The following FBXO15 variants were observed in gnomAD, a reference collection of about 807,000 sequenced individuals.
The protein encoded by FBXO15 is F-box only protein 15.
FBXO15 carries 30 observed loss-of-function variants against 49.5 expected under a neutral mutation model. The observed-to-expected ratio is 0.61, with a 90% CI of 0.45 to 0.82. The LOEUF (loss-of-function observed/expected upper bound fraction) is 0.82. Ranked by LOEUF, FBXO15 falls within the 40% of genes least tolerant of loss-of-function variation. The pLI is 0.00. For missense variants in FBXO15, 591 were observed against 631.5 expected (o/e 0.94, Z 0.69); for synonymous variants, 250 against 232.7 (o/e 1.07, Z -0.68).
At chr18:74,109,921 A>ATACC (rs1196605534) in intron 8 of FBXO15, among the ~76,000 whole-genome samples, 2 of 152,126 alleles carry the variant, frequency 1.3e-5, no homozygotes, top group African/African-American at 4.8e-5. Flanking sequence ...TGGCACATGT[A>ATACC]TACCTATGTA....
At chr18:74,105,373 T>C (rs556443572) in intron 8 of FBXO15, among the ~76,000 whole-genome samples, 2 of 152,314 alleles carry the variant, frequency 1.3e-5, no homozygotes, top group South Asian at 2.1e-4. Context: ...AAAAGTTATA[T>C]AAATGTATTA....
At chr18:74,091,370 A>T (rs1005848559) in intron 8 of FBXO15, among the ~76,000 whole-genome samples, 6 of 152,100 alleles carry the variant, frequency 3.9e-5, no homozygotes, top group African/African-American at 1.4e-4. Context: ...GTGCCTTTTA[A>T]TTGGGCTATT....
chr18:74,140,191 C>A lies in FBXO15; in HGVS notation c.227+11G>T. On this transcript the variant is annotated intron_variant, in intron 2 of 9. Coordinates refer to ENST00000419743, the MANE Select transcript of FBXO15 (RefSeq NM_001142958.2). Reference sequence around the variant, plus strand: ...GGCCCCCAAAAGTGACAGTCTACTTCTGCTACTTACCCATCCAGGAACCCA... The same window carrying A: ...GGCCCCCAAAAGTGACAGTCTACTTATGCTACTTACCCATCCAGGAACCCA... 1 of 1,549,442 alleles carries A rather than the reference C, an allele frequency of 6.5e-7. No homozygotes were observed. The highest frequency in any genetic ancestry group is 8.7e-7 in the Non-Finnish European group (1 of 1,146,050).
rs1378521075 is a variant in FBXO15 at position 74,130,561 on chromosome 18, G to C, written c.430C>G (p.Leu144Val). The C allele has an allele frequency of 6.2e-7, 1 of 1,614,160 alleles. No homozygotes were observed. The highest frequency in any genetic ancestry group is 8.5e-7 in the Non-Finnish European group (1 of 1,180,018). Residue 144 changes from leucine to valine, a missense_variant, in exon 4 of 10, where the codon CTG becomes GTG. By Grantham distance (32) the Leu-to-Val change is conservative. Transcript: ENST00000419743. ...VEKIAMSMSF[L>V]SVQDKEAGYW... ...CCAGCTTCTTTATCCTGAACTGACA[G>C]AAAGCTCATAGACATAGCTATCTTC... is the stretch of plus-strand genomic sequence containing the variant.
chr18:74,118,019 T>G (rs1914307223), intron 8 of FBXO15, among the ~76,000 whole-genome samples: 1 of 151,806 alleles, frequency 6.6e-6, no homozygotes, highest in East Asian at 1.9e-4. Flanking sequence ...CTTTTTTTTT[T>G]TTTTTGAGAC....
intron 8 of FBXO15, among the ~76,000 whole-genome samples, chr18:74,110,712 G>GA (rs145031858): frequency 6.6e-6 from 1 of 151,138 alleles, no homozygotes; most frequent in African/African-American, 2.4e-5. Context: ...TAAGTGGAAG[G>GA]AAAAAAAATA....
intron 8 of FBXO15, among the ~76,000 whole-genome samples, chr18:74,117,196 C>T (rs1354699522): frequency 1.3e-5 from 2 of 152,138 alleles, no homozygotes; most frequent in African/African-American, 4.8e-5. Flanking sequence ...AGTAGTGCAA[C>T]CATGGGAAGT....
chr18:74,115,539 T>C (rs1173052791), intron 8 of FBXO15, among the ~76,000 whole-genome samples: 1 of 152,218 alleles, frequency 6.6e-6, no homozygotes, highest in Non-Finnish European at 1.5e-5. Context: ...TCACTCTGAA[T>C]ACTTCACTGG....
Position 74,091,601 on chromosome 18 carries a change from C to T in FBXO15, c.1139-9550G>A, listed in dbSNP as rs147978224. Among the ~76,000 whole-genome samples, 1,249 of 152,272 alleles carry T rather than the reference C, an allele frequency of 8.2e-3. 10 individuals are homozygous for T. The highest frequency in any genetic ancestry group is 0.013 in the Admixed American group (195 of 15,296). ...GTCTGATGGTATCAAAATCTCTTAG[C>T]ATTTGCTTGTCTGAAAAGGATCTTA... is the stretch of plus-strand genomic sequence containing the variant. On this transcript the variant is annotated intron_variant, in intron 8 of 9. Transcript: ENST00000419743.
At chr18:74,076,503 T>C (rs1032350066) in intron 9 of FBXO15, 1 of 152,518 alleles carries the variant, frequency 6.6e-6, no homozygotes, top group Non-Finnish European at 1.5e-5. Flanking sequence ...TGCTGGTGCT[T>C]TGACCTTGGT....
rs192596860 is a variant in FBXO15, at chr18:74,100,469, A to G, written c.1139-18418T>C. On this transcript the variant is annotated intron_variant, in intron 8 of 9. Transcript: ENST00000419743. ...ATCCCTACATCAAAAAGTCTGGAAA[A>G]GCACAAATAGACAATCTAAGGTCAT... Among the ~76,000 whole-genome samples, 392 of 152,270 alleles carry G rather than the reference A, an allele frequency of 2.6e-3. 5 individuals carry two copies. The highest frequency in any genetic ancestry group is 3.8e-3 in the Non-Finnish European group (261 of 68,000).
chr18:74,093,106 C>T (rs1778024478), intron 8 of FBXO15, among the ~76,000 whole-genome samples: 1 of 152,132 alleles, frequency 6.6e-6, no homozygotes, highest in South Asian at 2.1e-4. Flanking sequence ...GTTGTCCATG[C>T]ACATGTTTGT....
At chr18:74,099,075 AG>A (rs1913403429) in intron 8 of FBXO15, 1 of 152,244 alleles carries the variant, frequency 6.6e-6, no homozygotes. Flanking sequence ...CACTGAGCCA[AG>A]ATTACGCCAC....
At chr18:74,121,592 A>C (rs1001514586) in intron 8 of FBXO15, among the ~76,000 whole-genome samples, 5 of 152,240 alleles carry the variant, frequency 3.3e-5, no homozygotes, top group African/African-American at 1.2e-4. Context: ...AAAACCTAGC[A>C]ATCTTCCTGA....
chr18:74,117,890 C>G (rs1914299661), intron 8 of FBXO15, among the ~76,000 whole-genome samples: 1 of 152,148 alleles, frequency 6.6e-6, no homozygotes, highest in Non-Finnish European at 1.5e-5. Flanking sequence ...CTCTGAAGTT[C>G]TAGACAGTCC....
intron 8 of FBXO15, among the ~76,000 whole-genome samples, chr18:74,113,847 T>C (rs2145170611): frequency 6.6e-6 from 1 of 152,380 alleles, no homozygotes; most frequent in South Asian, 2.1e-4. Context: ...TGGCAAGCTC[T>C]ATTTACACTT....
At chr18:74,132,796 T>A (rs1469595532) in intron 3 of FBXO15, among the ~76,000 whole-genome samples, 1 of 152,184 alleles carries the variant, frequency 6.6e-6, no homozygotes, top group Non-Finnish European at 1.5e-5. Context: ...AATGTTCAGA[T>A]AAATAGTGTT....
chr18:74,101,563 C>T (rs1292733287), intron 8 of FBXO15, among the ~76,000 whole-genome samples: 3 of 152,050 alleles, frequency 2.0e-5, no homozygotes, highest in Non-Finnish European at 4.4e-5. Flanking sequence ...AAATTCAATA[C>T]AATTCCCATC....
chr18:74,130,827 T>A, intron 3 of FBXO15, 169 bp from the exon 4 acceptor site: 1 of 724,000 alleles, frequency 1.4e-6, no homozygotes, highest in Non-Finnish European at 2.1e-6. Flanking sequence ...AGTTTGAGAT[T>A]TAGTGTTTTA....
Sources: allele counts gnomAD v4.1 joint callset (sites outside exome capture counted in the v4.1 genomes callset), GRCh38; gene constraint gnomAD v4.1.1; transcripts MANE v1.5; gene names NCBI Gene and HGNC (gene_info 2026-07-23, HGNC 2026-07-21).